Variants in NRP1 observed in about 807,000 individuals in gnomAD.
NRP1 encodes the protein neuropilin-1.
In NRP1, 35 loss-of-function variants were observed where a neutral mutation model predicts 106.7. The ratio of observed to expected loss-of-function variants is 0.33; its 90% CI spans 0.25 to 0.43. The LOEUF is 0.43. NRP1 is among the 20% of genes least tolerant of loss of function. The pLI is 1.00. For missense variants in NRP1, 1,024 were observed against 1,170.4 expected (o/e 0.87, Z 1.83); for synonymous variants, 437 against 417.9 (o/e 1.05, Z -0.56).
At chr10:33,327,293 G>C (rs1022483096) in intron 2 of NRP1, among the ~76,000 whole-genome samples, 2 of 151,934 alleles carry the variant, frequency 1.3e-5, no homozygotes, top group Non-Finnish European at 2.9e-5. Flanking sequence ...TTATTTTGAG[G>C]GTCACTTTTA....
At chr10:33,278,584 CGTT>C (rs1843882535) in intron 2 of NRP1, among the ~76,000 whole-genome samples, 1 of 152,292 alleles carries the variant, frequency 6.6e-6, no homozygotes, top group Admixed American at 6.5e-5. Context: ...TTTCTTATGT[CGTT>C]GTCTTCCTCA....
chr10:33,187,358 G>C (rs890042869), intron 13 of NRP1, among the ~76,000 whole-genome samples: 4 of 152,050 alleles, frequency 2.6e-5, no homozygotes, highest in Non-Finnish European at 5.9e-5. Flanking sequence ...TAATAATGTA[G>C]TAATCTTTTT....
chr10:33,297,003 AG>A (rs1249938903), intron 2 of NRP1, among the ~76,000 whole-genome samples: 4 of 152,124 alleles, frequency 2.6e-5, no homozygotes, highest in African/African-American at 9.7e-5. Context: ...GAAAAAAAAA[AG>A]AATAAAAAAC....
chr10:33,291,666 A>G (rs1229382505), intron 2 of NRP1, among the ~76,000 whole-genome samples: 1 of 152,252 alleles, frequency 6.6e-6, no homozygotes, highest in Admixed American at 6.5e-5. Flanking sequence ...TTCTAGACGT[A>G]AACTCAAAGG....
chr10:33,206,320 G>C (rs1837775231), intron 10 of NRP1: 1 of 518,882 alleles, frequency 1.9e-6, no homozygotes, highest in African/African-American at 1.9e-5. Flanking sequence ...CAAAGCCCTG[G>C]CACATGGACA....
chr10:33,322,350 A>G (rs1346445775), intron 2 of NRP1, among the ~76,000 whole-genome samples: 3 of 152,204 alleles, frequency 2.0e-5, no homozygotes, highest in Non-Finnish European at 4.4e-5. Context: ...TCCATTCCTA[A>G]GTTAAGGCAA....
At chr10:33,289,877 G>A (rs1844862961) in intron 2 of NRP1, among the ~76,000 whole-genome samples, 1 of 152,204 alleles carries the variant, frequency 6.6e-6, no homozygotes, top group South Asian at 2.1e-4. Context: ...CTTTTGTACG[G>A]AAGGTCAGTA....
intron 13 of NRP1, among the ~76,000 whole-genome samples, 160 bp downstream of exon 13, chr10:33,192,121 A>T (rs1836459454): frequency 6.6e-6 from 1 of 152,154 alleles, no homozygotes; most frequent in Non-Finnish European, 1.5e-5. Flanking sequence ...CTACTAGGGA[A>T]AGAGACATTG....
At chr10:33,321,079 C>T (rs867089169) in intron 2 of NRP1, among the ~76,000 whole-genome samples, 5 of 152,156 alleles carry the variant, frequency 3.3e-5, no homozygotes, top group Admixed American at 6.6e-5. Flanking sequence ...TTCTGCTTCC[C>T]GGGTTCAAGC....
At chr10:33,199,294 T>C (rs1342813646) in intron 11 of NRP1, among the ~76,000 whole-genome samples, 1 of 144,662 alleles carries the variant, frequency 6.9e-6, no homozygotes, top group Non-Finnish European at 1.5e-5. Context: ...ACTTCTGGGC[T>C]CAAGGGATCC....
intron 10 of NRP1, among the ~76,000 whole-genome samples, chr10:33,203,939 A>G (rs1208675844): frequency 3.5e-5 from 3 of 85,610 alleles, no homozygotes; most frequent in Non-Finnish European, 5.5e-5. Flanking sequence ...ACGGGGTTTC[A>G]CCTTGTTAGC....
chr10:33,268,796 C>T (rs1242725535), intron 3 of NRP1, among the ~76,000 whole-genome samples: 1 of 152,160 alleles, frequency 6.6e-6, no homozygotes, highest in African/African-American at 2.4e-5. Context: ...GTTTTCATCA[C>T]TAAAAATATG....
At chr10:33,225,204 G>A (rs760481493) in intron 7 of NRP1, among the ~76,000 whole-genome samples, 1 of 152,136 alleles carries the variant, frequency 6.6e-6, no homozygotes, top group Admixed American at 6.6e-5. Flanking sequence ...GAGAGTGGGG[G>A]TTTCACTGCT....
intron 2 of NRP1, among the ~76,000 whole-genome samples, chr10:33,273,581 C>T (rs542205271): frequency 5.3e-5 from 8 of 152,288 alleles, no homozygotes; most frequent in Admixed American, 1.3e-4. Flanking sequence ...GTTACTGTTG[C>T]CAGTGTGGCA....
chr10:33,323,129 G>A (rs1847635144), intron 2 of NRP1, among the ~76,000 whole-genome samples: 1 of 152,106 alleles, frequency 6.6e-6, no homozygotes, highest in Admixed American at 6.5e-5. Flanking sequence ...CATTACTTTG[G>A]GAAGCTGAGA....
intron 2 of NRP1, among the ~76,000 whole-genome samples, chr10:33,283,600 T>C (rs191878740): frequency 9.8e-5 from 15 of 152,360 alleles, no homozygotes; most frequent in Middle Eastern, 6.8e-3. Context: ...GTTTATTGTC[T>C]AGCCAGTAGT....
At chr10:33,275,129 G>A (rs971874717) in intron 2 of NRP1, among the ~76,000 whole-genome samples, 5 of 152,150 alleles carry the variant, frequency 3.3e-5, no homozygotes, top group African/African-American at 7.2e-5. Flanking sequence ...CACTAGAGTC[G>A]TCCCCTAATA....
chr10:33,217,143 A>C (rs1838841956), intron 8 of NRP1, among the ~76,000 whole-genome samples: 1 of 152,216 alleles, frequency 6.6e-6, no homozygotes, highest in Non-Finnish European at 1.5e-5. Context: ...GCTTTTAGAA[A>C]GGCAATGTTT....
intron 3 of NRP1, 78 bp downstream of exon 3, chr10:33,270,597 G>T (rs1843237357): frequency 7.7e-7 from 1 of 1,296,690 alleles, no homozygotes; most frequent in African/African-American, 1.5e-5. Flanking sequence ...AAAGTGCTGA[G>T]ATTACAGGGG....
Sources: allele counts gnomAD v4.1 joint callset (sites outside exome capture counted in the v4.1 genomes callset), GRCh38; gene constraint gnomAD v4.1.1; transcripts MANE v1.5; gene names NCBI Gene and HGNC (gene_info 2026-07-23, HGNC 2026-07-21).